The following PTPRT variants were observed in gnomAD, a reference collection of about 807,000 sequenced individuals.
PTPRT encodes the protein protein tyrosine phosphatase receptor type T.
In PTPRT, 56 loss-of-function variants were observed where a neutral mutation model predicts 176.8. The ratio of observed to expected loss-of-function variants is 0.32; its 90% CI spans 0.26 to 0.40. PTPRT has a LOEUF of 0.40. PTPRT is among the 10% of genes least tolerant of loss of function. PTPRT has a pLI of 1.00. For synonymous variants in PTPRT, 783 were observed against 739.0 expected, an observed-to-expected ratio of 1.06 and a Z score of -0.96; for missense variants, 1,540 against 1,908.2, an observed-to-expected ratio of 0.81 and a Z score of 3.60.
At chr20:42,625,286 A>G (rs2074269208) in intron 7 of PTPRT, among the ~76,000 whole-genome samples, 1 of 152,158 alleles carries the variant, frequency 6.6e-6, no homozygotes, top group Non-Finnish European at 1.5e-5. Context: ...TAAACCAGAG[A>G]TTTAAAAAGA....
chr20:42,605,369 C>T (rs1338449434), intron 7 of PTPRT, among the ~76,000 whole-genome samples: 1 of 152,150 alleles, frequency 6.6e-6, no homozygotes. Flanking sequence ...ATCCCAGGCT[C>T]AGTTCTGCTC....
intron 5 of PTPRT, among the ~76,000 whole-genome samples, chr20:42,767,707 A>T (rs2145446116): frequency 6.8e-6 from 1 of 146,510 alleles, no homozygotes; most frequent in Non-Finnish European, 1.5e-5. Context: ...AATTTTTATA[A>T]TATATATTTT....
chr20:42,642,596 C>T (rs1045246182), intron 7 of PTPRT, among the ~76,000 whole-genome samples: 4 of 152,186 alleles, frequency 2.6e-5, no homozygotes, highest in Middle Eastern at 3.4e-3. Context: ...TAACAGCCTC[C>T]GGAGGTAGGA....
intron 11 of PTPRT, among the ~76,000 whole-genome samples, chr20:42,346,890 G>C (rs897091341): frequency 1.3e-4 from 20 of 152,190 alleles, no homozygotes; most frequent in Non-Finnish European, 2.6e-4. Flanking sequence ...GCTCACACAA[G>C]GCAGAGTTGG....
chr20:42,250,880 C>G (rs1358403048), intron 13 of PTPRT, among the ~76,000 whole-genome samples: 3 of 152,154 alleles, frequency 2.0e-5, no homozygotes. Flanking sequence ...ATGGCAAAAC[C>G]AACTCATCAA....
chr20:42,255,845 A>G (rs997708600), intron 13 of PTPRT, among the ~76,000 whole-genome samples: 1 of 152,214 alleles, frequency 6.6e-6, no homozygotes, highest in Non-Finnish European at 1.5e-5. Context: ...TGCTGACGAT[A>G]AAGAAAGCAA....
intron 15 of PTPRT, among the ~76,000 whole-genome samples, chr20:42,204,829 G>C (rs1452543341): frequency 6.6e-6 from 1 of 152,162 alleles, no homozygotes; most frequent in Non-Finnish European, 1.5e-5. Context: ...CATGCTACGA[G>C]AGGAGGAGTG....
At chr20:42,201,925 A>G (rs1398072250) in intron 15 of PTPRT, among the ~76,000 whole-genome samples, 3 of 142,602 alleles carry the variant, frequency 2.1e-5, no homozygotes, top group African/African-American at 7.7e-5. Flanking sequence ...GGATCCAGGA[A>G]TCCCAACCAA....
intron 7 of PTPRT, among the ~76,000 whole-genome samples, chr20:42,550,343 G>A (rs981478555): frequency 1.3e-5 from 2 of 152,150 alleles, no homozygotes; most frequent in African/African-American, 4.8e-5. Context: ...TGAGTGGGAA[G>A]GGAAAGGGGA....
At chr20:42,476,610 G>A (rs564493274) in intron 7 of PTPRT, among the ~76,000 whole-genome samples, 1 of 152,344 alleles carries the variant, frequency 6.6e-6, no homozygotes, top group African/African-American at 2.4e-5. Context: ...TGAAAATTCA[G>A]AGATTCAAGG....
intron 1 of PTPRT, among the ~76,000 whole-genome samples, chr20:43,123,950 C>T (rs2013356096): frequency 6.6e-6 from 1 of 152,204 alleles, no homozygotes; most frequent in African/African-American, 2.4e-5. Flanking sequence ...TTCAGACATG[C>T]TTTATGAAAT....
chr20:42,280,371 C>G (rs2057119313), intron 13 of PTPRT, among the ~76,000 whole-genome samples: 1 of 152,144 alleles, frequency 6.6e-6, no homozygotes, highest in Non-Finnish European at 1.5e-5. Context: ...GTCCGACTGA[C>G]ATTCTGCACT....
intron 1 of PTPRT, among the ~76,000 whole-genome samples, chr20:43,066,406 G>A (rs941908872): frequency 4.6e-5 from 7 of 152,172 alleles, no homozygotes; most frequent in Non-Finnish European, 7.3e-5. Context: ...CTTTTAAAAT[G>A]AGATTAACCC....
chr20:42,292,971 A>G (rs2057339456), intron 12 of PTPRT, among the ~76,000 whole-genome samples: 1 of 152,182 alleles, frequency 6.6e-6, no homozygotes, highest in South Asian at 2.1e-4. Flanking sequence ...TCAGTAACCA[A>G]CAGTGAGTGG....
At chr20:42,481,350 C>T (rs893202253) in intron 7 of PTPRT, among the ~76,000 whole-genome samples, 7 of 152,100 alleles carry the variant, frequency 4.6e-5, no homozygotes, top group African/African-American at 1.4e-4. Context: ...TCCCTAAGGT[C>T]GAAGACTAGA....
chr20:42,094,735 C>A (rs1259849726), intron 27 of PTPRT, among the ~76,000 whole-genome samples: 1 of 152,150 alleles, frequency 6.6e-6, no homozygotes, highest in Non-Finnish European at 1.5e-5. Context: ...ACTAAACATA[C>A]AAAAATTAGC....
chr20:42,385,702 G>A (rs1333462146), intron 9 of PTPRT, among the ~76,000 whole-genome samples: 2 of 152,146 alleles, frequency 1.3e-5, no homozygotes, highest in Admixed American at 1.3e-4. Context: ...AGGCAAGGAG[G>A]AGCAAAGTCA....
intron 13 of PTPRT, among the ~76,000 whole-genome samples, chr20:42,273,522 G>A (rs959156022): frequency 1.3e-5 from 2 of 152,280 alleles, no homozygotes; most frequent in African/African-American, 2.4e-5. Context: ...GCCATAAGTG[G>A]TGTTATTGTC....
chr20:42,451,900 C>A (rs1216336581), intron 8 of PTPRT, among the ~76,000 whole-genome samples: 1 of 152,074 alleles, frequency 6.6e-6, no homozygotes, highest in East Asian at 1.9e-4. Context: ...CAAACCATAA[C>A]AAGAATGAGA....
Sources: gnomAD v4.1 joint callset for allele counts (sites outside exome capture counted in the v4.1 genomes callset) on GRCh38, gnomAD v4.1.1 for gene constraint, MANE v1.5 for transcripts, NCBI Gene and HGNC (gene_info 2026-07-23, HGNC 2026-07-21) for gene names.